The following AGPAT3 variants were observed in gnomAD, a reference collection of about 807,000 sequenced individuals.
AGPAT3 encodes 1-acyl-sn-glycerol-3-phosphate acyltransferase gamma.
A neutral mutation model predicts 47.3 loss-of-function variants in AGPAT3; 5 were observed. That is an observed-to-expected ratio of 0.11 (90% CI 0.06 to 0.22). The LOEUF (loss-of-function observed/expected upper bound fraction) is 0.22. AGPAT3 is among the 10% of genes least tolerant of loss of function. The pLI, the probability that AGPAT3 is intolerant of heterozygous loss-of-function variation, is 1.00. For missense variants in AGPAT3, 315 were observed against 493.0 expected (o/e 0.64, Z 3.42); for synonymous variants, 212 against 208.3 (o/e 1.02, Z -0.15).
At position 43,920,333 on chromosome 21, in the gene AGPAT3, C is replaced by T. The variant is rs535746117; in HGVS notation, c.-49+16314C>T. On this transcript the variant is annotated intron_variant, in intron 2 of 9. Transcript: ENST00000291572. The surrounding 1 kb of genome is among the most constrained non-coding windows in gnomAD (Gnocchi z 6.1). ...GTTGAATGTGTGTGTGAGTGTGACT[C>T]GGCTGAGAGGAGACAGCGCAGCTGG... is the stretch of plus-strand genomic sequence containing the variant. Among the ~76,000 whole-genome samples, 18 of 152,088 alleles carry T rather than the reference C, an allele frequency of 1.2e-4. No homozygotes were observed. In the South Asian group the frequency reaches 3.1e-3, roughly 26 times the overall value.
chr21:43,978,150 C>T (rs1401194057), intron 8 of AGPAT3, 29 bp downstream of exon 8: 4 of 1,602,086 alleles, frequency 2.5e-6, no homozygotes, highest in Non-Finnish European at 1.7e-6. Flanking sequence ...CGCTCAGGGT[C>T]CCGGTCTCCT....
chr21:43,952,387 G>C lies in AGPAT3; in HGVS notation c.-48-7247G>C, dbSNP rs981421133. Among the ~76,000 whole-genome samples the C allele has an allele frequency of 5.3e-5, 8 of 152,202 alleles. No homozygotes were observed. Among genetic ancestry groups the C allele is most frequent in the Admixed American group, 1.3e-4 (2 of 15,286 alleles). On this transcript the variant is annotated intron_variant, in intron 2 of 9. Transcript: ENST00000291572. This position sits in a 1 kb window ranked among gnomAD's most constrained non-coding sequence, Gnocchi z 5.6. ...AAATAAGGTCACATTTCGAGGACCT[G>C]GGCATTACCTTTGTGGAAGGAACTC...
intron 1 of AGPAT3, among the ~76,000 whole-genome samples, chr21:43,895,167 C>T (rs373842951): frequency 4.6e-5 from 7 of 151,420 alleles, no homozygotes; most frequent in African/African-American, 1.2e-4. Context: ...TGCAGTGGTG[C>T]GATCTCGGCT....
In AGPAT3 at chr21:43,940,861, C is replaced by T. The variant is rs547764076; in HGVS notation, c.-48-18773C>T. 2.0e-4 allele frequency among the ~76,000 whole-genome samples: 31 copies of T among 152,360 alleles called. No homozygotes were observed. The South Asian group carries it at 5.2e-3, about 25-fold the overall frequency. On this transcript the variant is annotated intron_variant, in intron 2 of 9. Coordinates refer to ENST00000291572, the MANE Select transcript of AGPAT3 (RefSeq NM_020132.5). ...CCGTGCCGGCTCTTACTGCAGAAGC[C>T]GAGAATCAGCAGGTGTCACAGATCA...
At chr21:43,912,694 T>C (rs1380432809) in intron 2 of AGPAT3, among the ~76,000 whole-genome samples, 1 of 152,258 alleles carries the variant, frequency 6.6e-6, no homozygotes, top group African/African-American at 2.4e-5. Context: ...TTATCACTTA[T>C]CGTCAATAGT....
At chr21:43,865,383 C>T (rs1267855035) in intron 1 of AGPAT3, 38 bp downstream of exon 1, 1 of 146,572 alleles carries the variant, frequency 6.8e-6, no homozygotes, top group Non-Finnish European at 1.5e-5. Context: ...CGGGCCGCCC[C>T]CCTCTTCCCC....
chr21:43,957,218 G>A (rs1010649754), intron 2 of AGPAT3, among the ~76,000 whole-genome samples: 14 of 147,538 alleles, frequency 9.5e-5, no homozygotes, highest in South Asian at 2.2e-4. Flanking sequence ...TATGGAGGGC[G>A]CTCTGTGGAG....
At chr21:43,889,142 G>C (rs966431275) in intron 1 of AGPAT3, among the ~76,000 whole-genome samples, 2 of 152,066 alleles carry the variant, frequency 1.3e-5, no homozygotes, top group African/African-American at 4.8e-5. Context: ...TCAGTCCTTA[G>C]ATTTCTATTG....
At chr21:43,951,471 T>G (rs1169249465) in intron 2 of AGPAT3, among the ~76,000 whole-genome samples, 1 of 152,116 alleles carries the variant, frequency 6.6e-6, no homozygotes, top group Non-Finnish European at 1.5e-5. Flanking sequence ...AAAGGGAGAA[T>G]TCCAGGGTTT....
chr21:43,883,078 T>A (rs2085889917), intron 1 of AGPAT3, among the ~76,000 whole-genome samples: 1 of 152,264 alleles, frequency 6.6e-6, no homozygotes, highest in South Asian at 2.1e-4. Context: ...AAATGCTGAA[T>A]TGCTGGAGAC....
At chr21:43,973,487 G>A (rs900254181) in intron 7 of AGPAT3, among the ~76,000 whole-genome samples, 1 of 152,224 alleles carries the variant, frequency 6.6e-6, no homozygotes, top group African/African-American at 2.4e-5. Context: ...AGCTGTCCAA[G>A]GTCAGCACTG....
intron 2 of AGPAT3, among the ~76,000 whole-genome samples, chr21:43,926,991 A>C (rs555690254): frequency 6.6e-6 from 1 of 151,090 alleles, no homozygotes; most frequent in African/African-American, 2.4e-5. Flanking sequence ...AAAAAAAAAA[A>C]AAAAAAAAAA....
intron 4 of AGPAT3, 111 bp from the exon 5 acceptor site, chr21:43,969,007 T>C (rs956864926): frequency 9.8e-5 from 116 of 1,184,250 alleles, no homozygotes; most frequent in Non-Finnish European, 1.2e-4. Flanking sequence ...CACAAAGCCG[T>C]GACTCCTAGA....
intron 1 of AGPAT3, among the ~76,000 whole-genome samples, chr21:43,889,095 A>C (rs143505730): frequency 1.3e-5 from 2 of 152,180 alleles, no homozygotes; most frequent in Admixed American, 6.5e-5. Context: ...GTGCACAGTC[A>C]TGTCATCTGT....
At chr21:43,943,875 A>G (rs1962194056) in intron 2 of AGPAT3, among the ~76,000 whole-genome samples, 1 of 152,160 alleles carries the variant, frequency 6.6e-6, no homozygotes, top group Admixed American at 6.5e-5. Context: ...GGCGAGAGGG[A>G]GACAGGGAGG....
At chr21:43,979,824 G>A (rs971659669) in intron 8 of AGPAT3, among the ~76,000 whole-genome samples, 12 of 152,202 alleles carry the variant, frequency 7.9e-5, no homozygotes, top group African/African-American at 2.7e-4. Flanking sequence ...GCCAGGACAC[G>A]ATGACACCTG....
At position 43,883,910 on chromosome 21, in the gene AGPAT3, TAG is replaced by T. The variant is rs1462392903; in HGVS notation, c.-112+18571_-112+18572del. Among the ~76,000 whole-genome samples the T allele has an allele frequency of 2.0e-5, 3 of 152,226 alleles. No homozygotes were observed. The East Asian group carries it at 5.8e-4, about 29-fold the overall frequency. On this transcript the variant is annotated intron_variant, in intron 1 of 9. Coordinates refer to ENST00000291572, the MANE Select transcript of AGPAT3 (RefSeq NM_020132.5). The stretch of plus-strand genomic sequence containing the variant: ...TGCCTAGCTAATTTTGTATTTTTAG[TAG>T]AGAGACGGGGTTTCTCCATGTTGGT...
rs2030065472 is a variant in AGPAT3, at chr21:43,984,651, A to G, written c.*2259A>G. 1 of 154,658 alleles carries G rather than the reference A, an allele frequency of 6.5e-6. No individual in the cohort carries two copies. Among genetic ancestry groups the G allele is most frequent in the Admixed American group, 6.0e-5 (1 of 16,554 alleles). 9.6% of individuals were successfully genotyped at this position (154,658 alleles called of 1,614,324 possible). A position where few individuals can be genotyped will look rare whatever the true frequency, so the allele number is the denominator to read the frequency against. On this transcript the variant is annotated 3_prime_UTR_variant, in exon 10 of 10. Coordinates refer to ENST00000291572, the MANE Select transcript of AGPAT3 (RefSeq NM_020132.5). ...TGCTTCTCAACACCAAGTCTTTAAGAGCAATAAAAACTACACCATGAATGT... is the reference window on the plus strand; with the variant it reads ...TGCTTCTCAACACCAAGTCTTTAAGGGCAATAAAAACTACACCATGAATGT...
At chr21:43,976,951 T>C (rs1334849395) in intron 7 of AGPAT3, among the ~76,000 whole-genome samples, 1 of 152,250 alleles carries the variant, frequency 6.6e-6, no homozygotes, top group African/African-American at 2.4e-5. Flanking sequence ...CTTATTAAAT[T>C]GTAAAAGTAT....
Sources: allele counts gnomAD v4.1 joint callset (sites outside exome capture counted in the v4.1 genomes callset), GRCh38; gene constraint gnomAD v4.1.1; non-coding constraint Gnocchi (gnomAD v3.1); transcripts MANE v1.5; gene names NCBI Gene and HGNC (gene_info 2026-07-23, HGNC 2026-07-21).